The following CRTAM variants were observed in gnomAD, a reference collection of about 807,000 sequenced individuals.
CRTAM encodes cytotoxic and regulatory T cell molecule, also known as cytotoxic and regulatory T-cell molecule.
In CRTAM, 44 loss-of-function variants were observed where a neutral mutation model predicts 50.0. That is an observed-to-expected ratio of 0.88 (90% CI 0.69 to 1.13). The LOEUF (loss-of-function observed/expected upper bound fraction) is 1.13. Among genes scored for constraint, CRTAM ranks in the 50% most tolerant of loss-of-function variants. The pLI is 0.00. For synonymous variants in CRTAM, 159 were observed against 169.3 expected (o/e 0.94, Z 0.47); for missense variants, 448 against 457.5 (o/e 0.98, Z 0.19).
chr11:122,867,531 A>G lies in CRTAM; in HGVS notation c.940A>G (p.Lys314Glu). The G allele has an allele frequency of 6.2e-7, 1 of 1,614,116 alleles. No homozygotes were observed. Among genetic ancestry groups the G allele is most frequent in the Non-Finnish European group, 8.5e-7 (1 of 1,179,978 alleles). ...CCAGCTCTTCATCATGAAGCTGAGG[A>G]AAGCACATGTGATATGGAAGAAAGG... Reference protein sequence around the residue: ...IVQLFIMKLRKAHVIWKKENE... With the variant: ...IVQLFIMKLREAHVIWKKENE... Residue 314 changes from lysine to glutamate, a missense_variant, in exon 8 of 10, where the codon AAA (lysine) becomes GAA (glutamate). Transcript: ENST00000227348.
intron 5 of CRTAM, among the ~76,000 whole-genome samples, chr11:122,861,400 ATATATATATATATATATATATTTTTTTTT>A (rs1862073977): frequency 2.6e-5 from 1 of 38,776 alleles, no homozygotes; most frequent in African/African-American, 1.0e-4. Context: ...ATATATATAT[ATATATATATATATATATATATTTTTTTTT>A]TTTTTTTTTT....
At chr11:122,852,638 G>T (rs1861946404) in intron 3 of CRTAM, among the ~76,000 whole-genome samples, 1 of 152,126 alleles carries the variant, frequency 6.6e-6, no homozygotes, top group African/African-American at 2.4e-5. Flanking sequence ...TCGGGGAGGG[G>T]TTTGAGAACC....
At chr11:122,839,328 T>TA (rs1861772336) in intron 1 of CRTAM, among the ~76,000 whole-genome samples, 1 of 152,194 alleles carries the variant, frequency 6.6e-6, no homozygotes, top group Non-Finnish European at 1.5e-5. Flanking sequence ...ATGAAAATGA[T>TA]AAAAACTTTT....
chr11:122,863,333 G>GAAAGAAAGAAAGAAAGAA lies in CRTAM; in HGVS notation c.733+826_733+843dup, dbSNP rs779250867. ...AAAGAAAGAAAGAAAAAGAAAGAAA[G>GAAAGAAAGAAAGAAAGAA]AAAGAAAGAAAGAAAGAAAAAGAAA... is the stretch of plus-strand genomic sequence containing the variant. On this transcript the variant is annotated intron_variant, in intron 6 of 9. Coordinates refer to ENST00000227348, the MANE Select transcript of CRTAM (RefSeq NM_019604.4). 1.9e-3 allele frequency among the ~76,000 whole-genome samples: 170 copies of GAAAGAAAGAAAGAAAGAA among 89,322 alleles called. 1 individual carries two copies. Among genetic ancestry groups the GAAAGAAAGAAAGAAAGAA allele is most frequent in the African/African-American group, 3.4e-3 (106 of 30,854 alleles). The allele number at this position is 89,322 out of a possible 152,430, so 58.6% of individuals were successfully genotyped here.
rs1203942976 is a variant in CRTAM at position 122,868,114 on chromosome 11, T to C, written c.1051+15T>C. ...AAATGGCCAATGTAAGTCAACTGTA[T>C]GACCTGAGATCTGAACAATGAGGTT... On this transcript the variant is annotated intron_variant, in intron 9 of 9. Transcript: ENST00000227348. The C allele has an allele frequency of 6.7e-7, 1 of 1,500,200 alleles. No individual in the cohort carries two copies. The allele number at this position is 1,500,200 out of a possible 1,614,324, so 92.9% of individuals were successfully genotyped here. A position where few individuals can be genotyped will look rare whatever the true frequency, so the allele number is the denominator to read the frequency against.
chr11:122,856,933 TCC>T (rs1862015057), intron 5 of CRTAM, among the ~76,000 whole-genome samples: 2 of 78,138 alleles, frequency 2.6e-5, no homozygotes, highest in Non-Finnish European at 5.0e-5. Flanking sequence ...ACCCCACGCC[TCC>T]ACCTCCAGCA....
intron 1 of CRTAM, among the ~76,000 whole-genome samples, chr11:122,839,342 C>T (rs914121253): frequency 2.6e-5 from 4 of 152,178 alleles, no homozygotes; most frequent in Admixed American, 1.3e-4. Context: ...AACTTTTGAT[C>T]CACCAAACTC....
In CRTAM at chr11:122,850,145, C is replaced by T. The variant is rs1861912665; in HGVS notation, c.124C>T (p.Leu42=). 2.5e-6 allele frequency: 4 copies of T among 1,613,654 alleles called. No homozygotes were observed. Among genetic ancestry groups the T allele is most frequent in the African/African-American group, 1.3e-5 (1 of 75,032 alleles). ...GCTCACTCTAAAGTGTGTCACTTCT[C>T]TGAGGAAGAACTCCTCCCTCCAGTG... The part of the protein sequence containing the change: ...QTLTLKCVTS[L]RKNSSLQWLT... The change falls in exon 2 of 10, where the codon CTG becomes TTG. Residue 42 remains leucine (L), a synonymous_variant. Coordinates refer to ENST00000227348, the MANE Select transcript of CRTAM (RefSeq NM_019604.4).
At position 122,868,774 on chromosome 11, in the gene CRTAM, C is replaced by T. The variant is rs1268875570; in HGVS notation, c.1051+675C>T. Among the ~76,000 whole-genome samples the T allele has an allele frequency of 2.6e-5, 4 of 152,210 alleles. No homozygotes were observed. The South Asian group carries it at 8.3e-4, about 32-fold the overall frequency. On this transcript the variant is annotated intron_variant, in intron 9 of 9. Transcript: ENST00000227348. Reference sequence around the variant, plus strand: ...CTGTAATCCCAGCACTTTGGGAGGCCGAGGCGGGCGGATCACGAGGTCAGG... The same window carrying T: ...CTGTAATCCCAGCACTTTGGGAGGCTGAGGCGGGCGGATCACGAGGTCAGG...
At position 122,871,431 on chromosome 11, in the gene CRTAM, G is replaced by T. The variant is rs1565295652; in HGVS notation, c.*32G>T. 3.8e-6 allele frequency: 6 copies of T among 1,592,712 alleles called. No individual in the cohort carries two copies. The highest frequency in any genetic ancestry group is 5.1e-6 in the Non-Finnish European group (6 of 1,168,772). ...CTGCAATGGAACATGTGATTTCAGG[G>T]TTGCCGCAGTGTCACCTCAGTGGAC... is the stretch of plus-strand genomic sequence containing the variant. On this transcript the variant is annotated 3_prime_UTR_variant, in exon 10 of 10. Coordinates refer to ENST00000227348, the MANE Select transcript of CRTAM (RefSeq NM_019604.4).
At chr11:122,856,979 G>A (rs1862015531) in intron 5 of CRTAM, among the ~76,000 whole-genome samples, 2 of 151,764 alleles carry the variant, frequency 1.3e-5, no homozygotes, top group Admixed American at 1.3e-4. Context: ...TGGGGGATGA[G>A]CCTGTATCTA....
At chr11:122,863,249 G>GAA (rs1565292576) in intron 6 of CRTAM, among the ~76,000 whole-genome samples, 4 of 125,586 alleles carry the variant, frequency 3.2e-5, no homozygotes, top group Non-Finnish European at 6.7e-5. Flanking sequence ...AAGAAAGAAA[G>GAA]AGAGAAAGAA....
intron 1 of CRTAM, among the ~76,000 whole-genome samples, chr11:122,848,663 A>G (rs1319710849): frequency 2.0e-5 from 3 of 152,232 alleles, no homozygotes; most frequent in Non-Finnish European, 4.4e-5. Flanking sequence ...TCTCCAAAGC[A>G]CTTTTCCTAA....
intron 1 of CRTAM, among the ~76,000 whole-genome samples, chr11:122,849,613 T>C (rs11822722): frequency 0.054 from 8,286 of 152,078 alleles, 252 homozygotes; most frequent in Middle Eastern, 0.095. Context: ...TCCCAGCTAT[T>C]TGGGAGGCTG....
intron 5 of CRTAM, among the ~76,000 whole-genome samples, chr11:122,862,023 A>T (rs1862091406): frequency 6.6e-6 from 1 of 152,108 alleles, no homozygotes; most frequent in East Asian, 1.9e-4. Context: ...ATAAGAGAAA[A>T]AAAAGTGCTA....
At chr11:122,855,580 T>C (rs977879102) in intron 4 of CRTAM, 115 bp from the exon 5 acceptor site, 5 of 831,666 alleles carry the variant, frequency 6.0e-6, no homozygotes, top group Non-Finnish European at 9.5e-6. Context: ...TGGCTGAGGT[T>C]AGAATGAGGT....
At chr11:122,867,616 G>A in intron 8 of CRTAM, 61 bp downstream of exon 8, 1 of 1,521,958 alleles carries the variant, frequency 6.6e-7, no homozygotes, top group South Asian at 1.2e-5. Flanking sequence ...CTAAAAAAAA[G>A]GGAAATTCTG....
intron 7 of CRTAM, 60 bp downstream of exon 7, chr11:122,864,779 A>C: frequency 8.1e-7 from 1 of 1,232,210 alleles, no homozygotes; most frequent in Non-Finnish European, 1.2e-6. Context: ...TTAATCGATA[A>C]ATTCAATGGC....
intron 6 of CRTAM, 29 bp downstream of exon 6, chr11:122,862,573 TTTAAAA>T: frequency 7.3e-7 from 1 of 1,367,354 alleles, no homozygotes; most frequent in Non-Finnish European, 1.0e-6. Flanking sequence ...CAAACTTGTT[TTTAAAA>T]AATCACGTTT....
Sources: gnomAD v4.1 joint callset for allele counts (sites outside exome capture counted in the v4.1 genomes callset) on GRCh38, gnomAD v4.1.1 for gene constraint, MANE v1.5 for transcripts, NCBI Gene and HGNC (gene_info 2026-07-23, HGNC 2026-07-21) for gene names.